The following TAAR5 variants were observed in gnomAD, a reference collection of about 807,000 sequenced individuals.
TAAR5 encodes trace amine associated receptor 5.
A neutral mutation model predicts 21.1 loss-of-function variants in TAAR5; 27 were observed. That is an observed-to-expected ratio of 1.28 (90% confidence interval 0.94 to 1.76). The LOEUF is 1.76. TAAR5 is among the 40% of genes most tolerant of loss of function. The pLI is 0.00. For synonymous variants in TAAR5, 203 were observed against 167.5 expected, an observed-to-expected ratio of 1.21 and a Z score of -1.64; for missense variants, 495 against 405.6, an observed-to-expected ratio of 1.22 and a Z score of -1.89.
the TAAR5 span, among the ~76,000 whole-genome samples, chr6:132,600,656 C>T: frequency 8.6e-5 from 13 of 151,870 alleles, no homozygotes; most frequent in African/African-American, 3.1e-4. Flanking sequence ...TTGAGATTAC[C>T]GTACCAGTAA....
At chr6:132,605,720 C>A in the TAAR5 span, among the ~76,000 whole-genome samples, 6 of 152,128 alleles carry the variant, frequency 3.9e-5, no homozygotes, top group Non-Finnish European at 7.4e-5. Context: ...CAGCATCACA[C>A]AATATACCTA....
At chr6:132,616,176 A>C in the TAAR5 span, among the ~76,000 whole-genome samples, 2 of 152,196 alleles carry the variant, frequency 1.3e-5, no homozygotes, top group Non-Finnish European at 2.9e-5. Context: ...AACTCTACAA[A>C]TTAGGACTGT....
chr6:132,600,803 A>AGGGG, the TAAR5 span, among the ~76,000 whole-genome samples: 1 of 112,870 alleles, frequency 8.9e-6, no homozygotes, highest in South Asian at 3.6e-4. Context: ...GAGGGGAGGA[A>AGGGG]GGAAGGAAGG....
upstream of TAAR5, among the ~76,000 whole-genome samples, chr6:132,591,766 G>C (rs35335137): frequency 2.2e-3 from 337 of 152,298 alleles, 4 homozygotes; most frequent in Middle Eastern, 0.048. Context: ...TCTGTTCTGG[G>C]ATAGATTACA....
the TAAR5 span, among the ~76,000 whole-genome samples, chr6:132,595,694 G>A: frequency 1.3e-5 from 2 of 152,170 alleles, no homozygotes; most frequent in African/African-American, 4.8e-5. Flanking sequence ...AGGGCTGAGA[G>A]TCTGCATGCA....
At chr6:132,614,406 A>G in the TAAR5 span, among the ~76,000 whole-genome samples, 3 of 152,250 alleles carry the variant, frequency 2.0e-5, no homozygotes, top group African/African-American at 4.8e-5. Context: ...AGAAAATTAT[A>G]ATGATTGTTT....
chr6:132,601,716 G>A, the TAAR5 span, among the ~76,000 whole-genome samples: 2 of 152,260 alleles, frequency 1.3e-5, no homozygotes, highest in East Asian at 1.9e-4. Context: ...AAAAAATTTG[G>A]CAGGTCTATG....
At chr6:132,594,569 G>A (rs1776951032), upstream of TAAR5, 1 of 152,182 alleles carries the variant, frequency 6.6e-6, no homozygotes, top group African/African-American at 2.4e-5. Flanking sequence ...TTCAAGGGTT[G>A]TAAAATTAAT....
At chr6:132,598,979 T>C in the TAAR5 span, among the ~76,000 whole-genome samples, 7 of 152,186 alleles carry the variant, frequency 4.6e-5, no homozygotes, top group Non-Finnish European at 8.8e-5. Context: ...TTCTTTAATC[T>C]CTAGTGAAAG....
chr6:132,616,440 G>T, the TAAR5 span, among the ~76,000 whole-genome samples: 1 of 152,164 alleles, frequency 6.6e-6, no homozygotes, highest in Non-Finnish European at 1.5e-5. Context: ...ATGAGCCTAC[G>T]GAGGAAAGGA....
chr6:132,598,019 G>A, the TAAR5 span, among the ~76,000 whole-genome samples: 1 of 152,240 alleles, frequency 6.6e-6, no homozygotes. Context: ...GGGAAATATA[G>A]CTCAACTAGT....
chr6:132,605,080 G>T, the TAAR5 span, among the ~76,000 whole-genome samples: 2 of 152,314 alleles, frequency 1.3e-5, no homozygotes, highest in Admixed American at 1.3e-4. Flanking sequence ...TCCTGCAGGT[G>T]CTTCCCAATG....
chr6:132,589,014 C>T lies in TAAR5; in HGVS notation c.673G>A (p.Val225Ile), dbSNP rs747163560. The change falls in exon 1 of 1, where the codon GTT becomes ATT. Residue 225 changes from valine (V) to isoleucine (I), a missense_variant. Transcript: ENST00000258034. The stretch of plus-strand genomic sequence containing the variant: ...ATCTGCTGAGCCTGTCTGGTAGCAA[C>T]CACAAAGATCTTCACATACAAGCTG... Reference protein sequence around the residue: ...MISLYVKIFVVATRQAQQITT... With the variant: ...MISLYVKIFVIATRQAQQITT... 16 of 1,614,042 alleles carry T rather than the reference C, an allele frequency of 9.9e-6. No homozygotes were observed. The highest frequency in any genetic ancestry group is 1.4e-5 in the Non-Finnish European group (16 of 1,179,988).
upstream of TAAR5, among the ~76,000 whole-genome samples, chr6:132,591,958 T>G (rs1776913340): frequency 1.3e-5 from 2 of 152,210 alleles, no homozygotes; most frequent in South Asian, 4.1e-4. Flanking sequence ...TGTAGAAAGT[T>G]GAGTTGGGCA....
chr6:132,615,988 A>G, the TAAR5 span, among the ~76,000 whole-genome samples: 4 of 151,742 alleles, frequency 2.6e-5, no homozygotes, highest in Non-Finnish European at 5.9e-5. Context: ...GATACTATCT[A>G]TTTTCTTCTA....
chr6:132,590,368 G>A (rs762432216), upstream of TAAR5, among the ~76,000 whole-genome samples: 12 of 152,132 alleles, frequency 7.9e-5, no homozygotes, highest in African/African-American at 1.2e-4. Flanking sequence ...AACACAAAGT[G>A]TTTACACATC....
chr6:132,589,380 C>T lies in TAAR5; in HGVS notation c.307G>A (p.Gly103Arg), dbSNP rs374786875. Residue 103 changes from glycine to arginine, a missense_variant, in exon 1 of 1, where the codon GGG becomes AGG. Transcript: ENST00000258034. ...GTGTGCAGGCGGCAGAGGAAGTCCC[C>T]GAAGAACCAGCAGCTCTCCACTGAG... is the stretch of plus-strand genomic sequence containing the variant. ...IRSVESCWFF[G>R]DFLCRLHTYL... The T allele has an allele frequency of 5.1e-5, 83 of 1,613,960 alleles. 1 individual carries two copies. The highest frequency in any genetic ancestry group is 3.3e-4 in the Middle Eastern group (2 of 6,062).
chr6:132,599,740 G>A, the TAAR5 span, among the ~76,000 whole-genome samples: 23 of 152,192 alleles, frequency 1.5e-4, no homozygotes, highest in African/African-American at 5.5e-4. Context: ...AAATGCCTTC[G>A]TGAATGGGGA....
At chr6:132,608,390 G>A in the TAAR5 span, 1 of 455,930 alleles carries the variant, frequency 2.2e-6, no homozygotes. Flanking sequence ...AAGTACCGGA[G>A]CCACACTAAA....
Sources: gnomAD v4.1 joint callset for allele counts (sites outside exome capture counted in the v4.1 genomes callset) on GRCh38, gnomAD v4.1.1 for gene constraint, MANE v1.5 for transcripts, NCBI Gene and HGNC (gene_info 2026-07-23, HGNC 2026-07-21) for gene names.